The following MLKL variants were observed in gnomAD, a reference collection of about 807,000 sequenced individuals.
The protein encoded by MLKL is mixed lineage kinase domain like pseudokinase.
A neutral mutation model predicts 56.5 loss-of-function variants in MLKL; 55 were observed. The ratio of observed to expected loss-of-function variants is 0.97; its 90% CI spans 0.78 to 1.22. MLKL has a LOEUF of 1.22. Among genes scored for constraint, MLKL ranks in the 50% most tolerant of loss-of-function variants. MLKL has a pLI of 0.00. For missense variants in MLKL, 694 were observed against 573.9 expected, an observed-to-expected ratio of 1.21 and a Z score of -2.14; for synonymous variants, 251 against 208.3, an observed-to-expected ratio of 1.20 and a Z score of -1.76.
chr16:74,689,825 C>T (rs1960561517), intron 4 of MLKL, among the ~76,000 whole-genome samples: 1 of 152,128 alleles, frequency 6.6e-6, no homozygotes, highest in Non-Finnish European at 1.5e-5. Context: ...ATAGAGAAAA[C>T]TGACTTACTA....
rs1278341685 is a variant in MLKL, at chr16:74,675,099, G to A, written c.1242C>T (p.Gly414=). 6.2e-7 allele frequency: 1 copy of A among 1,613,974 alleles called. No homozygotes were observed. The highest frequency in any genetic ancestry group is 1.7e-4 in the Middle Eastern group (1 of 6,058). The change falls in exon 10 of 11, where the codon GGC becomes GGT. Residue 414 remains glycine, a splice_region_variant and synonymous_variant. Transcript: ENST00000308807. The stretch of plus-strand genomic sequence containing the variant: ...GCTTGCGGATCTTCTCAGAATTACA[G>A]CCTGGAAATGATAGCATGAGAGCCT... ...EIATGDIPFQ[G]CNSEKIRKLV...
chr16:74,674,207 C>T (rs962367212), intron 10 of MLKL, among the ~76,000 whole-genome samples: 7 of 147,042 alleles, frequency 4.8e-5, no homozygotes, highest in South Asian at 4.3e-4. Flanking sequence ...CAGGCTGGAG[C>T]GCAGTGGCGT....
At chr16:74,688,489 G>A (rs1381328279) in intron 4 of MLKL, among the ~76,000 whole-genome samples, 4 of 152,042 alleles carry the variant, frequency 2.6e-5, no homozygotes, top group Non-Finnish European at 5.9e-5. Flanking sequence ...CAAGGTGGGT[G>A]GATTGCTTGA....
chr16:74,687,161 A>T (rs983470431), intron 4 of MLKL, among the ~76,000 whole-genome samples: 1 of 152,080 alleles, frequency 6.6e-6, no homozygotes, highest in African/African-American at 2.4e-5. Flanking sequence ...TTTATAGTAG[A>T]GGCGGGGTTT....
intron 1 of MLKL, among the ~76,000 whole-genome samples, chr16:74,696,563 G>A (rs1304323245): frequency 6.6e-6 from 1 of 151,734 alleles, no homozygotes; most frequent in Non-Finnish European, 1.5e-5. Context: ...GAGACAGGAG[G>A]ATTGCTTGAG....
chr16:74,682,791 TG>T lies in MLKL; in HGVS notation c.821-6del, dbSNP rs755642885. ...TGGAGAATTGAGGCGGAGTCACTGG[TG>T]GAAAGGAGCCAGACACTATGAGGAC... On this transcript the variant is annotated splice_polypyrimidine_tract_variant and splice_region_variant and intron_variant, in intron 5 of 10. Transcript: ENST00000308807. 3.5e-5 allele frequency: 57 copies of T among 1,613,720 alleles called. No individual in the cohort carries two copies. The highest frequency in any genetic ancestry group is 3.3e-4 in the Middle Eastern group (2 of 6,082).
At chr16:74,675,219 A>G (rs1959512823) in intron 9 of MLKL, 119 bp from the exon 10 acceptor site, 3 of 1,550,260 alleles carry the variant, frequency 1.9e-6, no homozygotes, top group Non-Finnish European at 1.8e-6. Context: ...AGAACTTCCA[A>G]CGATTCCACT....
intron 4 of MLKL, 91 bp from the exon 5 acceptor site, chr16:74,685,674 CG>C: frequency 2.1e-6 from 2 of 973,458 alleles, no homozygotes; most frequent in Non-Finnish European, 3.2e-6. Context: ...TATGTGGGGG[CG>C]GGGGTATCAG....
intron 4 of MLKL, among the ~76,000 whole-genome samples, chr16:74,685,825 G>C (rs1333726906): frequency 1.3e-5 from 2 of 152,178 alleles, no homozygotes; most frequent in East Asian, 3.9e-4. Context: ...CTTTTCAGTA[G>C]TTCAAATAGT....
At chr16:74,680,495 GTTTTTGT>G (rs539688749) in intron 6 of MLKL, among the ~76,000 whole-genome samples, 25 of 151,196 alleles carry the variant, frequency 1.7e-4, no homozygotes, top group Middle Eastern at 3.4e-3. Context: ...TTGTTTTTTT[GTTTTTGT>G]TTTTTGTTTT....
Position 74,691,410 on chromosome 16 carries a change from T to G in MLKL, c.589A>C (p.Lys197Gln). The change falls in exon 4 of 11, where the codon AAG becomes CAG. Residue 197 changes from lysine to glutamine, a missense_variant. Physicochemically the swap from Lys to Gln is moderately conservative, Grantham distance 53. Coordinates refer to ENST00000308807, the MANE Select transcript of MLKL (RefSeq NM_152649.4). The stretch of plus-strand genomic sequence containing the variant: ...GGGGATCCTGAAAGCTGCTCCTTCT[T>G]GATCTCCTTGATTTGCTCTTGCGGG... The part of the protein sequence containing the change: ...EIPQEQIKEI[K>Q]KEQLSGSPWI... 1 of 1,614,152 alleles carries G rather than the reference T, an allele frequency of 6.2e-7. No homozygotes were observed. Among genetic ancestry groups the G allele is most frequent in the Non-Finnish European group, 8.5e-7 (1 of 1,180,028 alleles).
chr16:74,683,031 C>G (rs1567607140), intron 5 of MLKL, among the ~76,000 whole-genome samples: 1 of 152,096 alleles, frequency 6.6e-6, no homozygotes, highest in Admixed American at 6.6e-5. Context: ...AAAAAATTGG[C>G]TGGGTGCGTT....
At chr16:74,675,146 G>C (rs771106600) in intron 9 of MLKL, 46 bp from the exon 10 acceptor site, 1 of 1,606,908 alleles carries the variant, frequency 6.2e-7, no homozygotes, top group East Asian at 2.2e-5. Flanking sequence ...TCCGCTACTC[G>C]TACATCTCTC....
Position 74,695,698 on chromosome 16 carries a change from CT to C in MLKL, c.59del (p.Glu20GlyfsTer2), listed in dbSNP as rs867327919. The C allele has an allele frequency of 6.2e-7, 1 of 1,613,924 alleles. No homozygotes were observed. The highest frequency in any genetic ancestry group is 1.3e-5 in the African/African-American group (1 of 74,930). Reference sequence around the variant, plus strand: ...GGCACTGTTTCTTGCAGTATTTCATCTCTTCACACCGTTTGTGGATGACCTG... The same window carrying C: ...GGCACTGTTTCTTGCAGTATTTCATCCTTCACACCGTTTGTGGATGACCTG... The part of the protein sequence containing the change: ...LGQVIHKRCE[E>X]MKYCKKQCRR... On this transcript the variant is annotated frameshift_variant, in exon 2 of 11. Coordinates refer to ENST00000308807, the MANE Select transcript of MLKL (RefSeq NM_152649.4). LOFTEE classifies it high-confidence loss of function.
intron 4 of MLKL, 37 bp from the exon 5 acceptor site, chr16:74,685,620 C>A (rs1348681431): frequency 6.5e-7 from 1 of 1,542,362 alleles, no homozygotes; most frequent in Non-Finnish European, 8.9e-7. Context: ...GATTTCAGAA[C>A]TGGAAGGTTC....
intron 6 of MLKL, among the ~76,000 whole-genome samples, chr16:74,680,862 G>C (rs1231184962): frequency 1.3e-5 from 2 of 152,228 alleles, no homozygotes; most frequent in East Asian, 3.9e-4. Flanking sequence ...TGTACAAAGA[G>C]AATGTGGGTT....
intron 7 of MLKL, chr16:74,677,642 C>T (rs573193721): frequency 4.6e-5 from 7 of 152,446 alleles, no homozygotes; most frequent in South Asian, 2.1e-4. Flanking sequence ...AGGCATAAGC[C>T]ACCATGCCTG....
At position 74,695,346 on chromosome 16, in the gene MLKL, G is replaced by C; in HGVS notation, c.412C>G (p.Gln138Glu). ...SQGASWAQED[Q>E]QDADEDRRAF... Reference sequence around the variant, plus strand: ...CGCCTGTCTTCGTCTGCATCCTGCTGATCTTCCTGTGCCCAGGACGCTCCT... The same window carrying C: ...CGCCTGTCTTCGTCTGCATCCTGCTCATCTTCCTGTGCCCAGGACGCTCCT... The change falls in exon 2 of 11, where the codon CAG becomes GAG. Residue 138 changes from glutamine to glutamate, a missense_variant. Physicochemically the swap from Gln to Glu is conservative, Grantham distance 29. Coordinates refer to ENST00000308807, the MANE Select transcript of MLKL (RefSeq NM_152649.4). 6.2e-7 allele frequency: 1 copy of C among 1,614,174 alleles called. No individual in the cohort carries two copies. Among genetic ancestry groups the C allele is most frequent in the South Asian group, 1.1e-5 (1 of 91,082 alleles).
chr16:74,680,476 AT>A lies in MLKL; in HGVS notation c.957-1497del, dbSNP rs575288663. On this transcript the variant is annotated intron_variant, in intron 6 of 10. Transcript: ENST00000308807. ...ATCAAGAAGAAAGTCTGCGTTTGGT[AT>A]TTTTTTTTTGTTTTTTTGTTTTTGT... is the stretch of plus-strand genomic sequence containing the variant. Among the ~76,000 whole-genome samples, 980 of 148,028 alleles carry A rather than the reference AT, an allele frequency of 6.6e-3. 1 individual carries two copies. The highest frequency in any genetic ancestry group is 0.017 in the Middle Eastern group (5 of 290).
Sources: allele counts gnomAD v4.1 joint callset (sites outside exome capture counted in the v4.1 genomes callset), GRCh38; gene constraint gnomAD v4.1.1; transcripts MANE v1.5; gene names NCBI Gene and HGNC (gene_info 2026-07-23, HGNC 2026-07-21).